Variants in HTT-AS observed in about 807,000 individuals in gnomAD.
HTT-AS encodes the protein HTT antisense RNA, also known as HTT antisense RNA (head to head).
At chr4:3,061,986 T>TTA (rs1351815344) in intron 2 of HTT-AS, among the ~76,000 whole-genome samples, 41 of 63,428 alleles carry the variant, frequency 6.5e-4, no homozygotes, top group African/African-American at 1.7e-3. Flanking sequence ...TATCTCAAAT[T>TTA]AAAAAAAAAA....
intron 1 of HTT-AS, among the ~76,000 whole-genome samples, chr4:3,073,875 C>A (rs909365111): frequency 6.6e-6 from 1 of 152,212 alleles, no homozygotes; most frequent in Non-Finnish European, 1.5e-5. Flanking sequence ...GCTCTGGCCA[C>A]GGGCCAGTGT....
Position 3,066,346 on chromosome 4 carries a change from T to C in HTT-AS, n.114-2646A>G, listed in dbSNP as rs527952986. Among the ~76,000 whole-genome samples the C allele has an allele frequency of 1.1e-4, 16 of 152,306 alleles. No homozygotes were observed. In the South Asian group the frequency reaches 3.3e-3, roughly 32 times the overall value. ...CACTACACCCAGCTGATTTTTGTAA[T>C]TTTAGTAGAGACGGGGTTTCACCAT... On this transcript the variant is annotated intron_variant and non_coding_transcript_variant, in intron 1 of 2. Coordinates refer to ENST00000664062, the Ensembl canonical transcript of HTT-AS.
intron 2 of HTT-AS, among the ~76,000 whole-genome samples, chr4:3,053,962 G>T (rs1711761464): frequency 6.6e-6 from 1 of 151,866 alleles, no homozygotes; most frequent in African/African-American, 2.4e-5. Flanking sequence ...GTTTCACCAT[G>T]TTGGCCAGGC....
chr4:3,066,464 C>T (rs1005956061), intron 1 of HTT-AS, among the ~76,000 whole-genome samples: 1 of 151,996 alleles, frequency 6.6e-6, no homozygotes, highest in East Asian at 1.9e-4. Context: ...CACCGTGCCC[C>T]GTCTGAGCTA....
intron 1 of HTT-AS, chr4:3,063,704 C>T (rs1236041248): frequency 6.6e-6 from 1 of 152,260 alleles, no homozygotes; most frequent in Non-Finnish European, 1.5e-5. Context: ...GGGGCTGCTG[C>T]AAGAAAGAAT....
At chr4:3,070,014 C>T (rs1712134330) in intron 1 of HTT-AS, 1 of 152,448 alleles carries the variant, frequency 6.6e-6, no homozygotes, top group Admixed American at 6.5e-5. Context: ...CTTACTGCCC[C>T]CTGCCCAGGC....
intron 2 of HTT-AS, among the ~76,000 whole-genome samples, chr4:3,052,658 C>T (rs1711725038): frequency 6.6e-6 from 1 of 152,124 alleles, no homozygotes; most frequent in Non-Finnish European, 1.5e-5. Context: ...GGGGCTGACT[C>T]CCTCTTTTTT....
intron 2 of HTT-AS, among the ~76,000 whole-genome samples, chr4:3,055,169 G>A (rs1235342654): frequency 2.6e-5 from 4 of 151,958 alleles, no homozygotes; most frequent in Non-Finnish European, 5.9e-5. Context: ...GTGGTGGCGG[G>A]CGCCTGTAGT....
exon 2 of HTT-AS, among the ~76,000 whole-genome samples, chr4:3,062,788 G>A (rs1711961156): frequency 6.6e-6 from 1 of 152,016 alleles, no homozygotes; most frequent in South Asian, 2.1e-4. Flanking sequence ...AAGATGAGCC[G>A]TGAGGAAATC....
chr4:3,072,214 C>T (rs971987570), intron 1 of HTT-AS, among the ~76,000 whole-genome samples: 1 of 152,238 alleles, frequency 6.6e-6, no homozygotes, highest in African/African-American at 2.4e-5. Context: ...TCCAATCTCA[C>T]GTGGTGTTGG....
At chr4:3,047,724 CAGGCCCGCCCA>C (rs1711619224), downstream of HTT-AS, among the ~76,000 whole-genome samples, 2 of 152,216 alleles carry the variant, frequency 1.3e-5, no homozygotes, top group African/African-American at 2.4e-5. Context: ...TGACATCAGT[CAGGCCCGCCCA>C]CAGCCATCCG....
At chr4:3,047,194 C>A (rs1443159634), downstream of HTT-AS, among the ~76,000 whole-genome samples, 1 of 152,026 alleles carries the variant, frequency 6.6e-6, no homozygotes, top group African/African-American at 2.4e-5. Flanking sequence ...ACCTGTAGTC[C>A]CAGCTACTCG....
intron 1 of HTT-AS, among the ~76,000 whole-genome samples, chr4:3,073,288 G>A (rs1443668633): frequency 1.3e-5 from 2 of 152,222 alleles, no homozygotes; most frequent in African/African-American, 2.4e-5. Flanking sequence ...TTGTCTCTGA[G>A]GCCAACCTTA....
At chr4:3,051,342 G>A (rs964200870) in intron 2 of HTT-AS, among the ~76,000 whole-genome samples, 2 of 152,150 alleles carry the variant, frequency 1.3e-5, no homozygotes, top group African/African-American at 4.8e-5. Context: ...TGGGATTATA[G>A]GTGTGAGCCA....
intron 2 of HTT-AS, among the ~76,000 whole-genome samples, chr4:3,060,777 G>A (rs1711909314): frequency 6.6e-6 from 1 of 152,218 alleles, no homozygotes; most frequent in Non-Finnish European, 1.5e-5. Flanking sequence ...CATGTGCACA[G>A]TAAGGAGCAG....
intron 2 of HTT-AS, among the ~76,000 whole-genome samples, chr4:3,057,984 G>A (rs903820113): frequency 1.3e-5 from 2 of 151,810 alleles, no homozygotes; most frequent in African/African-American, 4.8e-5. Context: ...CCGTGAAAGG[G>A]GTGGGCAATT....
At chr4:3,062,494 G>A (rs973772234) in exon 2 of HTT-AS, among the ~76,000 whole-genome samples, 1 of 152,034 alleles carries the variant, frequency 6.6e-6, no homozygotes, top group Non-Finnish European at 1.5e-5. Flanking sequence ...TGTGATGAGC[G>A]CCCCCAGGTC....
intron 2 of HTT-AS, among the ~76,000 whole-genome samples, chr4:3,061,543 G>C (rs2960301): frequency 0.049 from 7,380 of 152,050 alleles, 391 homozygotes; most frequent in African/African-American, 0.14. Context: ...TTAGCTGGGC[G>C]TGGTGGCGGG....
intron 2 of HTT-AS, among the ~76,000 whole-genome samples, chr4:3,053,851 C>T (rs558584025): frequency 2.0e-5 from 3 of 150,682 alleles, no homozygotes; most frequent in African/African-American, 4.9e-5. Flanking sequence ...GTCTGCCTCT[C>T]GGGGTTCAAG....
Sources: gnomAD v4.1 joint callset for allele counts (sites outside exome capture counted in the v4.1 genomes callset) on GRCh38, gnomAD v4.1.1 for gene constraint, MANE v1.5 for transcripts, NCBI Gene and HGNC (gene_info 2026-07-23, HGNC 2026-07-21) for gene names.